The following CHEK1 variants were observed in gnomAD, a reference collection of about 807,000 sequenced individuals.
The protein encoded by CHEK1 is serine/threonine-protein kinase Chk1.
A neutral mutation model predicts 60.2 loss-of-function variants in CHEK1; 32 were observed. That is an observed-to-expected ratio of 0.53 (90% CI 0.40 to 0.71). The LOEUF is 0.71. Ranked by LOEUF, CHEK1 falls within the 30% of genes least tolerant of loss-of-function variation. The pLI is 0.00. For missense variants in CHEK1, 399 were observed against 564.6 expected (o/e 0.71, Z 2.97); for synonymous variants, 179 against 187.2 (o/e 0.96, Z 0.36).
rs1431175675 is a variant in CHEK1 at position 125,653,844 on chromosome 11, T to C, written c.1332T>C (p.Ser444=). ...DDKILVDFRL[S]KGDGLEFKRH... is the part of the protein sequence containing the mutation. ...AAATATTGGTTGACTTCCGGCTTTCTAAGGTATTTTTATGTTTTATTGTAT... is the reference window on the plus strand; with the variant it reads ...AAATATTGGTTGACTTCCGGCTTTCCAAGGTATTTTTATGTTTTATTGTAT... The change falls in exon 12 of 13, where the codon TCT becomes TCC. Residue 444 remains serine, a synonymous_variant. Transcript: ENST00000438015. The surrounding 1 kb of genome is among the most constrained non-coding windows in gnomAD (Gnocchi z 4.3). The C allele has an allele frequency of 1.3e-6, 2 of 1,512,226 alleles. No homozygotes were observed. Among genetic ancestry groups the C allele is most frequent in the Admixed American group, 1.8e-5 (1 of 54,438 alleles). The allele number at this position is 1,512,226 out of a possible 1,614,324, so 93.7% of individuals were successfully genotyped here.
downstream of CHEK1, chr11:125,678,153 C>T: frequency 6.2e-7 from 1 of 1,614,196 alleles, no homozygotes. Context: ...ACCATGCTCA[C>T]TTAAAGTGTT....
intron 13 of CHEK1, among the ~76,000 whole-genome samples, chr11:125,664,085 G>A (rs997742430): frequency 5.3e-5 from 8 of 152,094 alleles, no homozygotes; most frequent in Admixed American, 1.3e-4. Flanking sequence ...GTGCTATGCT[G>A]TTTTGGTTAC....
chr11:125,668,311 A>G (rs1591430576), intron 13 of CHEK1, among the ~76,000 whole-genome samples: 1 of 152,190 alleles, frequency 6.6e-6, no homozygotes, highest in Admixed American at 6.5e-5. Context: ...CTTTAGAAAA[A>G]TACAGACCAG....
At chr11:125,651,284 C>CTTT (rs1491232730) in intron 11 of CHEK1, among the ~76,000 whole-genome samples, 5 of 133,186 alleles carry the variant, frequency 3.8e-5, no homozygotes, top group Non-Finnish European at 4.7e-5. Context: ...AAAGACAAGC[C>CTTT]TCTTTTTTTT....
At chr11:125,629,175 A>G (rs1366465788) in intron 3 of CHEK1, 57 bp from the exon 4 acceptor site, 19 of 1,515,512 alleles carry the variant, frequency 1.3e-5, no homozygotes, top group Non-Finnish European at 1.7e-5. Context: ...TTAAGAAGCT[A>G]TGTGGTTGCT....
chr11:125,628,148 A>C (rs1940701044), intron 3 of CHEK1, among the ~76,000 whole-genome samples: 1 of 152,244 alleles, frequency 6.6e-6, no homozygotes. Flanking sequence ...TATTGCCTAC[A>C]CAATTTTTTC....
chr11:125,652,953 A>C (rs545840064), intron 11 of CHEK1, among the ~76,000 whole-genome samples: 5 of 152,056 alleles, frequency 3.3e-5, no homozygotes, highest in Non-Finnish European at 7.4e-5. Context: ...ATGAATCTCT[A>C]TCTTTCCCTT....
At chr11:125,664,969 A>G (rs1942073374) in intron 13 of CHEK1, among the ~76,000 whole-genome samples, 1 of 152,148 alleles carries the variant, frequency 6.6e-6, no homozygotes, top group Admixed American at 6.5e-5. Context: ...ATGGTGAAAG[A>G]TACGGCTCTA....
chr11:125,626,391 C>CT (rs1940607214), intron 1 of CHEK1: 4 of 434,844 alleles, frequency 9.2e-6, no homozygotes, highest in African/African-American at 1.9e-5. Flanking sequence ...ATACCGCTCC[C>CT]TATATCCTCT....
intron 13 of CHEK1, among the ~76,000 whole-genome samples, chr11:125,674,947 A>G (rs1027256897): frequency 1.3e-5 from 2 of 152,120 alleles, no homozygotes; most frequent in African/African-American, 4.8e-5. Flanking sequence ...TCCTATTTAC[A>G]TCCTGCACTT....
chr11:125,629,862 C>T (rs1031457853), intron 5 of CHEK1, among the ~76,000 whole-genome samples: 3 of 151,992 alleles, frequency 2.0e-5, no homozygotes, highest in Non-Finnish European at 2.9e-5. Context: ...CTAGGACCAA[C>T]CACAGGCAGG....
At chr11:125,626,233 AC>A in intron 1 of CHEK1, 2 of 571,000 alleles carry the variant, frequency 3.5e-6, no homozygotes, top group Non-Finnish European at 6.3e-6. Context: ...CTAGCTAAGA[AC>A]CCCAAGGAAG....
At chr11:125,633,077 T>A in intron 5 of CHEK1, 86 bp from the exon 6 acceptor site, 5 of 1,255,586 alleles carry the variant, frequency 4.0e-6, no homozygotes, top group Non-Finnish European at 5.4e-6. Flanking sequence ...CACCAGTGAT[T>A]TTTTTTCAGT....
At chr11:125,635,367 T>G (rs779495550) in intron 6 of CHEK1, 62 bp from the exon 7 acceptor site, 1 of 1,026,100 alleles carries the variant, frequency 9.7e-7, no homozygotes, top group Non-Finnish European at 1.4e-6. Context: ...TATATTATTA[T>G]TTTTCCTTGA....
chr11:125,664,741 G>A (rs193210931), intron 13 of CHEK1, among the ~76,000 whole-genome samples: 129 of 152,070 alleles, frequency 8.5e-4, no homozygotes, highest in Middle Eastern at 3.4e-3. Context: ...TCTTCATTCC[G>A]ATTTTTTTTT....
rs777209903 is a variant in CHEK1, at chr11:125,644,226, G to A, written c.1059G>A (p.Met353Ile). The change falls in exon 10 of 13, where the codon ATG becomes ATA. Residue 353 changes from methionine (M) to isoleucine (I), a missense_variant. Transcript: ENST00000438015. Reference protein sequence around the residue: ...SFSQPTCPDHMLLNSQLLGTP... With the variant: ...SFSQPTCPDHILLNSQLLGTP... The stretch of plus-strand genomic sequence containing the variant: ...CCCAGCCCACATGTCCTGATCATAT[G>A]CTTTTGAATAGTCAGTTACTTGGCA... 1 of 1,613,978 alleles carries A rather than the reference G, an allele frequency of 6.2e-7. No homozygotes were observed. The highest frequency in any genetic ancestry group is 1.1e-5 in the South Asian group (1 of 90,998).
chr11:125,678,975 A>AT (rs1491273537), downstream of CHEK1, among the ~76,000 whole-genome samples: 7,069 of 34,910 alleles, frequency 0.2, 324 homozygotes, highest in African/African-American at 0.26. Context: ...AAGTCTAGGC[A>AT]TATTATATAT....
rs1172202437 is a variant in CHEK1 at position 125,653,222 on chromosome 11, T to C, written c.1234-524T>C. Among the ~76,000 whole-genome samples the C allele has an allele frequency of 6.6e-6, 1 of 152,132 alleles. No individual in the cohort carries two copies. Among genetic ancestry groups the C allele is most frequent in the Non-Finnish European group, 1.5e-5 (1 of 68,020 alleles). On this transcript the variant is annotated intron_variant, in intron 11 of 12. Coordinates refer to ENST00000438015, the MANE Select transcript of CHEK1 (RefSeq NM_001114122.3). This position sits in a 1 kb window ranked among gnomAD's most constrained non-coding sequence, Gnocchi z 4.3. Reference sequence around the variant, plus strand: ...CTCATCTGTTTGCTTGGCTTTTTGTTTTGTTTTTTTGAGACAGGGTCTCGC... The same window carrying C: ...CTCATCTGTTTGCTTGGCTTTTTGTCTTGTTTTTTTGAGACAGGGTCTCGC...
rs1016134792 is a variant in CHEK1, at chr11:125,653,240, G to A, written c.1234-506G>A. ...TTTTTGTTTTGTTTTTTTGAGACAG[G>A]GTCTCGCTCTGTCGCCCATGCTAGA... On this transcript the variant is annotated intron_variant, in intron 11 of 12. Transcript: ENST00000438015. This position sits in a 1 kb window ranked among gnomAD's most constrained non-coding sequence, Gnocchi z 4.3. 3.3e-5 allele frequency among the ~76,000 whole-genome samples: 5 copies of A among 151,802 alleles called. No homozygotes were observed. Among genetic ancestry groups the A allele is most frequent in the Non-Finnish European group, 7.4e-5 (5 of 67,944 alleles).
Sources: allele counts gnomAD v4.1 joint callset (sites outside exome capture counted in the v4.1 genomes callset), GRCh38; gene constraint gnomAD v4.1.1; non-coding constraint Gnocchi (gnomAD v3.1); transcripts MANE v1.5; gene names NCBI Gene and HGNC (gene_info 2026-07-23, HGNC 2026-07-21).